The following PDS5B variants were observed in gnomAD, a reference collection of about 807,000 sequenced individuals.
PDS5B encodes sister chromatid cohesion protein PDS5 homolog B.
A neutral mutation model predicts 184.1 loss-of-function variants in PDS5B; 51 were observed. The observed-to-expected ratio is 0.28, with a 90% confidence interval of 0.22 to 0.35. The LOEUF (loss-of-function observed/expected upper bound fraction) is 0.35, where lower values mean the gene tolerates loss of function less well. Ranked by LOEUF, PDS5B falls within the 10% of genes least tolerant of loss-of-function variation. PDS5B has a pLI of 1.00. For synonymous variants in PDS5B, 566 were observed against 569.2 expected, an observed-to-expected ratio of 0.99 and a Z score of 0.08; for missense variants, 1,180 against 1,723.3, an observed-to-expected ratio of 0.68 and a Z score of 5.58.
Position 32,770,676 on chromosome 13 carries a change from G to A in PDS5B, c.4087G>A (p.Ala1363Thr). 6.2e-7 allele frequency: 1 copy of A among 1,611,468 alleles called. No homozygotes were observed. The highest frequency in any genetic ancestry group is 8.5e-7 in the Non-Finnish European group (1 of 1,178,826). Residue 1363 changes from alanine (A) to threonine (T), a missense_variant, in exon 33 of 35, where the codon GCA becomes ACA. Ala to Thr is a moderately conservative substitution (Grantham distance 58). Coordinates refer to ENST00000315596, the MANE Select transcript of PDS5B (RefSeq NM_015032.4). ...QQRAESPESS[A>T]IESTQSTPQK... Reference sequence around the variant, plus strand: ...CAGAGCAGAATCTCCTGAATCTAGTGCAATTGAATCCACACAGTCCACACC... The same window carrying A: ...CAGAGCAGAATCTCCTGAATCTAGTACAATTGAATCCACACAGTCCACACC...
Position 32,699,828 on chromosome 13 carries a change from G to A in PDS5B, c.1699G>A (p.Val567Ile). 1 of 1,579,566 alleles carries A rather than the reference G, an allele frequency of 6.3e-7. No homozygotes were observed. Among genetic ancestry groups the A allele is most frequent in the Non-Finnish European group, 8.6e-7 (1 of 1,166,306 alleles). Residue 567 changes from valine (V) to isoleucine (I), a missense_variant, in exon 16 of 35, where the codon GTT (valine) becomes ATT (isoleucine). Physicochemically the swap from Val to Ile is conservative, Grantham distance 29. This residue lies in a region of PDS5B where 475 missense variants were observed against 691.5 expected (regional missense o/e 0.69). Transcript: ENST00000315596. ...AATAAGAAAGCAGTTAGAAGTACTT[G>A]TTAGTCCAACATGCTCCTGCAAGCA... The part of the protein sequence containing the change: ...EKIRKQLEVL[V>I]SPTCSCKQAE...
chr13:32,707,024 T>C lies in PDS5B; in HGVS notation c.1947T>C (p.Gly649=). Residue 649 remains glycine, a synonymous_variant, in exon 18 of 35, where the codon GGT becomes GGC. Transcript: ENST00000315596. ...GVPTDQAIRA[G]LELLKVLSFT... ...CAACTGATCAAGCCATCAGAGCAGGTCTTGAACTGCTTAAGGTAAGTATCT... is the reference window on the plus strand; with the variant it reads ...CAACTGATCAAGCCATCAGAGCAGGCCTTGAACTGCTTAAGGTAAGTATCT... The C allele has an allele frequency of 6.3e-7, 1 of 1,594,794 alleles. No homozygotes were observed.
At chr13:32,721,730 G>A (rs1952714226) in intron 19 of PDS5B, among the ~76,000 whole-genome samples, 1 of 151,758 alleles carries the variant, frequency 6.6e-6, no homozygotes, top group South Asian at 2.1e-4. Flanking sequence ...GATGACGGCC[G>A]GGAAGAGGCG....
At chr13:32,600,831 A>G (rs1160798769) in intron 1 of PDS5B, among the ~76,000 whole-genome samples, 1 of 152,248 alleles carries the variant, frequency 6.6e-6, no homozygotes, top group Non-Finnish European at 1.5e-5. Context: ...GACAGCAGCT[A>G]AAATTGCTGC....
Position 32,770,762 on chromosome 13 carries a change from G to A in PDS5B, c.4172+1G>A, listed in dbSNP as rs753796968. ...CACCATCACAACCAAAAAAAAATGT[G>A]TAAGTTGTAAATATTACATTTCAAA... On this transcript the variant is annotated splice_donor_variant, in intron 33 of 34. Coordinates refer to ENST00000315596, the MANE Select transcript of PDS5B (RefSeq NM_015032.4). LOFTEE classifies it high-confidence loss of function. The A allele has an allele frequency of 1.3e-6, 2 of 1,590,176 alleles. No homozygotes were observed. The highest frequency in any genetic ancestry group is 3.4e-5 in the Admixed American group (2 of 58,542).
chr13:32,704,923 G>A (rs1398467711), intron 17 of PDS5B, among the ~76,000 whole-genome samples: 1 of 152,148 alleles, frequency 6.6e-6, no homozygotes, highest in African/African-American at 2.4e-5. Context: ...ATACAGAAAA[G>A]TGCTATTGAT....
intron 11 of PDS5B, among the ~76,000 whole-genome samples, chr13:32,684,714 T>G (rs1414975115): frequency 6.6e-6 from 1 of 152,188 alleles, no homozygotes; most frequent in Non-Finnish European, 1.5e-5. Flanking sequence ...ATAAGAGTAA[T>G]TTTGGTGAAG....
Position 32,695,827 on chromosome 13 carries a change from C to G in PDS5B, c.1552-1027C>G, listed in dbSNP as rs1454460015. ...GAGTCATACATGAAATCACTAGATACAGTCTCAATTCAGCTAGAATGTTTT... is the reference window on the plus strand; with the variant it reads ...GAGTCATACATGAAATCACTAGATAGAGTCTCAATTCAGCTAGAATGTTTT... On this transcript the variant is annotated intron_variant, in intron 14 of 34. Coordinates refer to ENST00000315596, the MANE Select transcript of PDS5B (RefSeq NM_015032.4). Among the ~76,000 whole-genome samples the G allele has an allele frequency of 2.0e-5, 3 of 152,040 alleles. No homozygotes were observed. The East Asian group carries it at 5.8e-4, about 29-fold the overall frequency.
intron 21 of PDS5B, among the ~76,000 whole-genome samples, chr13:32,736,257 A>G (rs1224064218): frequency 6.6e-6 from 1 of 151,866 alleles, no homozygotes; most frequent in African/African-American, 2.4e-5. Context: ...CTTTCTATGT[A>G]ATGATTTTCT....
At chr13:32,660,710 C>A (rs1044449506) in intron 6 of PDS5B, among the ~76,000 whole-genome samples, 1 of 152,136 alleles carries the variant, frequency 6.6e-6, no homozygotes, top group African/African-American at 2.4e-5. Context: ...ATAAACCCAC[C>A]CTTCCTGATT....
At chr13:32,637,117 G>A (rs1017373863) in intron 1 of PDS5B, among the ~76,000 whole-genome samples, 1 of 152,192 alleles carries the variant, frequency 6.6e-6, no homozygotes, top group African/African-American at 2.4e-5. Flanking sequence ...TCTAAGTAAG[G>A]CAGTGATATG....
Position 32,735,261 on chromosome 13 carries a change from T to C in PDS5B, c.2337T>C (p.Asp779=). 16 of 1,612,248 alleles carry C rather than the reference T, an allele frequency of 9.9e-6. No individual in the cohort carries two copies. The highest frequency in any genetic ancestry group is 1.3e-5 in the African/African-American group (1 of 75,018). ...TIGHIALLAP[D]QFAAPLKSLV... The stretch of plus-strand genomic sequence containing the variant: ...GTCATATTGCTCTCCTTGCACCTGA[T>C]CAATTTGCTGCTCCTTTGAAATCTT... The change falls in exon 21 of 35, where the codon GAT becomes GAC. Residue 779 remains aspartate (D), a synonymous_variant. Coordinates refer to ENST00000315596, the MANE Select transcript of PDS5B (RefSeq NM_015032.4).
chr13:32,659,942 G>A (rs1950600938), intron 6 of PDS5B, among the ~76,000 whole-genome samples: 2 of 152,150 alleles, frequency 1.3e-5, no homozygotes, highest in Admixed American at 6.5e-5. Flanking sequence ...CAGTGAAAAT[G>A]ATCTCATAAT....
chr13:32,635,638 G>A (rs2058538924), intron 1 of PDS5B, among the ~76,000 whole-genome samples: 1 of 151,880 alleles, frequency 6.6e-6, no homozygotes, highest in South Asian at 2.1e-4. Flanking sequence ...CACTGTGCCT[G>A]GCCTGGCCTT....
chr13:32,661,398 A>G (rs902096550), intron 6 of PDS5B, among the ~76,000 whole-genome samples: 11 of 150,078 alleles, frequency 7.3e-5, no homozygotes, highest in African/African-American at 2.7e-4. Flanking sequence ...AAAAAAAAAA[A>G]AAAAAAAAAA....
intron 13 of PDS5B, among the ~76,000 whole-genome samples, chr13:32,692,247 A>G (rs976827489): frequency 6.6e-6 from 1 of 151,926 alleles, no homozygotes; most frequent in Non-Finnish European, 1.5e-5. Context: ...CAGTTTTTGA[A>G]TAAGCTCCTA....
intron 34 of PDS5B, 74 bp downstream of exon 34, chr13:32,773,398 T>A (rs1281852379): frequency 7.8e-7 from 1 of 1,274,130 alleles, no homozygotes; most frequent in Non-Finnish European, 1.1e-6. Flanking sequence ...GATCATTTAG[T>A]ACTTGTTTAG....
At chr13:32,678,747 A>T in intron 9 of PDS5B, 88 bp from the exon 10 acceptor site, 4 of 757,300 alleles carry the variant, frequency 5.3e-6, no homozygotes, top group Admixed American at 4.8e-5. Context: ...TTTTTTCTTT[A>T]ATTAGATAAA....
chr13:32,728,157 C>A (rs1022814373), intron 19 of PDS5B, among the ~76,000 whole-genome samples: 10 of 150,832 alleles, frequency 6.6e-5, no homozygotes, highest in South Asian at 4.2e-4. Flanking sequence ...ATTTTTATAT[C>A]TTTTTTTATA....
Sources: allele counts gnomAD v4.1 joint callset (sites outside exome capture counted in the v4.1 genomes callset), GRCh38; gene constraint gnomAD v4.1.1; regional missense constraint gnomAD v4.1.1; transcripts MANE v1.5; gene names NCBI Gene and HGNC (gene_info 2026-07-23, HGNC 2026-07-21).